Variants in RBFOX1 observed in about 807,000 individuals in gnomAD.
RBFOX1 encodes the protein RNA binding protein fox-1 homolog 1.
In RBFOX1, 8 loss-of-function variants were observed where a neutral mutation model predicts 57.7. The observed-to-expected ratio is 0.14, with a 90% CI of 0.08 to 0.25. The LOEUF is 0.25. Ranked by LOEUF, RBFOX1 falls within the 10% of genes least tolerant of loss-of-function variation. The probability of loss-of-function intolerance (pLI) is 1.00; values close to 1 mark genes in which losing one functional copy is unlikely to be tolerated. For synonymous variants in RBFOX1, 326 were observed against 222.4 expected (o/e 1.47, Z -4.15); for missense variants, 611 against 548.5 (o/e 1.11, Z -1.14).
At chr16:7,162,542 C>G (rs572998773) in intron 4 of RBFOX1, among the ~76,000 whole-genome samples, 117 of 144,648 alleles carry the variant, frequency 8.1e-4, no homozygotes, top group African/African-American at 2.9e-3. Flanking sequence ...CCAGCCTGGC[C>G]AACATGGTGA....
At chr16:7,329,497 G>T (rs1467425734) in intron 4 of RBFOX1, among the ~76,000 whole-genome samples, 1 of 152,194 alleles carries the variant, frequency 6.6e-6, no homozygotes, top group African/African-American at 2.4e-5. Flanking sequence ...AGCAATACTA[G>T]GTGCTTCCCA....
intron 3 of RBFOX1, among the ~76,000 whole-genome samples, chr16:6,954,249 G>GTAA (rs76305477): frequency 0.17 from 25,118 of 152,062 alleles, 2,225 homozygotes; most frequent in Non-Finnish European, 0.19. Context: ...AAGGTGCTAT[G>GTAA]TAATAAATCA....
chr16:5,379,538 T>C (rs1247144240), intron 1 of RBFOX1, among the ~76,000 whole-genome samples: 1 of 152,198 alleles, frequency 6.6e-6, no homozygotes, highest in Admixed American at 6.5e-5. Context: ...GAAAGCACAG[T>C]AGCCTGGGAG....
At chr16:6,533,581 G>A (rs913969564) in intron 2 of RBFOX1, among the ~76,000 whole-genome samples, 5 of 151,634 alleles carry the variant, frequency 3.3e-5, no homozygotes, top group Admixed American at 3.3e-4. Context: ...ACAGAGTCAA[G>A]TGATTTTTTT....
At chr16:7,299,899 T>A (rs751118316) in intron 4 of RBFOX1, among the ~76,000 whole-genome samples, 1 of 152,238 alleles carries the variant, frequency 6.6e-6, no homozygotes, top group African/African-American at 2.4e-5. Flanking sequence ...AATTATGTTT[T>A]CGACATAGGA....
intron 1 of RBFOX1, among the ~76,000 whole-genome samples, chr16:6,306,401 C>G (rs554121304): frequency 2.0e-5 from 3 of 152,322 alleles, no homozygotes; most frequent in South Asian, 4.1e-4. Context: ...ATCGCTCATG[C>G]ATCGAAAGGA....
intron 3 of RBFOX1, among the ~76,000 whole-genome samples, chr16:7,024,324 G>T (rs1299903361): frequency 6.6e-6 from 1 of 152,120 alleles, no homozygotes; most frequent in African/African-American, 2.4e-5. Context: ...TGCCATCCTG[G>T]TACCATAAGT....
At chr16:5,817,656 A>C (rs925744719) in intron 3 of RBFOX1, among the ~76,000 whole-genome samples, 1 of 150,918 alleles carries the variant, frequency 6.6e-6, no homozygotes, top group Non-Finnish European at 1.5e-5. Context: ...ATGGGGCTGG[A>C]GATGCCGACA....
intron 4 of RBFOX1, among the ~76,000 whole-genome samples, chr16:5,885,067 C>T (rs1049929657): frequency 5.3e-5 from 8 of 152,130 alleles, no homozygotes; most frequent in South Asian, 2.1e-4. Flanking sequence ...AGATGGTCTT[C>T]GGGTCTCTTG....
At chr16:6,376,032 C>A (rs1269358160) in intron 2 of RBFOX1, among the ~76,000 whole-genome samples, 1 of 152,152 alleles carries the variant, frequency 6.6e-6, no homozygotes, top group East Asian at 1.9e-4. Context: ...AGCTCATTTA[C>A]CACTTGTATA....
At chr16:6,851,274 G>A (rs930724366) in intron 3 of RBFOX1, among the ~76,000 whole-genome samples, 2 of 152,156 alleles carry the variant, frequency 1.3e-5, no homozygotes, top group African/African-American at 2.4e-5. Context: ...GGGGTCAGGA[G>A]TGAGAGGTGT....
At chr16:6,965,631 C>T (rs2083973261) in intron 3 of RBFOX1, among the ~76,000 whole-genome samples, 1 of 152,218 alleles carries the variant, frequency 6.6e-6, no homozygotes, top group Non-Finnish European at 1.5e-5. Flanking sequence ...GCCACTGCGC[C>T]TGGCTGACAA....
rs534220184 is a variant in RBFOX1, at chr16:6,887,058, A to G, written c.-15-164999A>G. 2.0e-4 allele frequency among the ~76,000 whole-genome samples: 31 copies of G among 152,196 alleles called. No individual in the cohort carries two copies. The South Asian group carries it at 5.6e-3, about 28-fold the overall frequency. On this transcript the variant is annotated intron_variant, in intron 3 of 15. Coordinates refer to ENST00000550418, the MANE Select transcript of RBFOX1 (RefSeq NM_018723.4). ...CTGGTGAGTCTCCATACTTGGTTGT[A>G]TTGTCCAAGTTGGATTTTCCCTGCA...
chr16:7,267,164 C>T (rs1184295695), intron 4 of RBFOX1, among the ~76,000 whole-genome samples: 2 of 152,048 alleles, frequency 1.3e-5, no homozygotes, highest in African/African-American at 2.4e-5. Flanking sequence ...TTTGGGAGGC[C>T]GAGGTAGGCA....
intron 13 of RBFOX1, among the ~76,000 whole-genome samples, chr16:7,672,644 G>A (rs3785208): frequency 0.032 from 4,814 of 151,982 alleles, 144 homozygotes; most frequent in East Asian, 0.18. Flanking sequence ...CAGGCAGATT[G>A]CTTGAGGCCA....
At chr16:6,114,671 C>T (rs547009621) in intron 1 of RBFOX1, among the ~76,000 whole-genome samples, 1 of 152,064 alleles carries the variant, frequency 6.6e-6, no homozygotes, top group Non-Finnish European at 1.5e-5. Flanking sequence ...TCTGTTGGCA[C>T]CAAACCCCTT....
intron 3 of RBFOX1, among the ~76,000 whole-genome samples, chr16:6,956,050 G>C (rs2081762885): frequency 6.6e-6 from 1 of 152,108 alleles, no homozygotes; most frequent in Non-Finnish European, 1.5e-5. Flanking sequence ...TTTTGATTAA[G>C]TGAGTTATCT....
chr16:6,570,653 C>T (rs2097332611), intron 2 of RBFOX1, among the ~76,000 whole-genome samples: 2 of 152,088 alleles, frequency 1.3e-5, no homozygotes, highest in South Asian at 2.1e-4. Flanking sequence ...TTTATTTAGG[C>T]TTGGCTAAAA....
intron 1 of RBFOX1, among the ~76,000 whole-genome samples, chr16:5,466,453 A>G (rs1297369128): frequency 6.6e-6 from 1 of 152,006 alleles, no homozygotes; most frequent in Non-Finnish European, 1.5e-5. Context: ...GTGGGGGCAG[A>G]GGGGGTATTT....
Sources: gnomAD v4.1 joint callset for allele counts (sites outside exome capture counted in the v4.1 genomes callset) on GRCh38, gnomAD v4.1.1 for gene constraint, MANE v1.5 for transcripts, NCBI Gene and HGNC (gene_info 2026-07-23, HGNC 2026-07-21) for gene names.